SNX7: variants seen among roughly 807,000 people sequenced by gnomAD.
SNX7 encodes the protein sorting nexin 7.
In SNX7, 35 loss-of-function variants were observed where a neutral mutation model predicts 48.4. The observed-to-expected ratio is 0.72, with a 90% CI of 0.55 to 0.96. The LOEUF is 0.96. Among genes scored for constraint, SNX7 ranks in the 40% least tolerant of loss-of-function variants. The pLI is 0.00. For synonymous variants in SNX7, 190 were observed against 190.2 expected, an observed-to-expected ratio of 1.00 and a Z score of 0.01; for missense variants, 553 against 548.9, an observed-to-expected ratio of 1.01 and a Z score of -0.07.
At chr1:98,672,225 C>G (rs900809628) in intron 1 of SNX7, among the ~76,000 whole-genome samples, 12 of 152,000 alleles carry the variant, frequency 7.9e-5, no homozygotes, top group African/African-American at 2.4e-4. Flanking sequence ...ATTCTGCTCT[C>G]GGCTTTGACT....
Position 98,661,798 on chromosome 1 carries a change from G to A in SNX7, c.67G>A (p.Glu23Lys). 2 of 1,244,692 alleles carry A rather than the reference G, an allele frequency of 1.6e-6. No homozygotes were observed. Among genetic ancestry groups the A allele is most frequent in the East Asian group, 3.2e-5 (1 of 31,598 alleles). The allele number at this position is 1,244,692 out of a possible 1,614,324, so 77.1% of individuals were successfully genotyped here. ...CCTCCCGGCCGGGGGCGCCAACGGG[G>A]AGAGCCCGGGGGGCGGCGCCCCCTT... ...SGLPAGGANG[E>K]SPGGGAPFPG... Residue 23 changes from glutamate to lysine, a missense_variant, in exon 1 of 9, where the codon GAG becomes AAG. Coordinates refer to ENST00000306121, the MANE Select transcript of SNX7 (RefSeq NM_015976.5).
Position 98,672,930 on chromosome 1 carries a change from CAAAAAAAAAA to C in SNX7, c.180+11032_180+11041del, listed in dbSNP as rs57705068. ...TGGGCGACAGAGCGAGACTCCGTCT[CAAAAAAAAAA>C]AAAAAAAAAAAAGAAATTATTCAAG... On this transcript the variant is annotated intron_variant, in intron 1 of 8. Transcript: ENST00000306121. 6.8e-4 allele frequency among the ~76,000 whole-genome samples: 60 copies of C among 88,520 alleles called. 1 individual carries two copies. Among genetic ancestry groups the C allele is most frequent in the African/African-American group, 2.7e-3 (60 of 22,064 alleles). The allele number at this position is 88,520 out of a possible 152,430, so 58.1% of individuals were successfully genotyped here. A position where few individuals can be genotyped will look rare whatever the true frequency, so the allele number is the denominator to read the frequency against.
At chr1:98,688,589 A>C (rs1650935703) in intron 2 of SNX7, among the ~76,000 whole-genome samples, 1 of 152,208 alleles carries the variant, frequency 6.6e-6, no homozygotes. Flanking sequence ...AAGTTTTCTA[A>C]ATAATGAGTT....
chr1:98,691,937 A>ACACTCT (rs376006567), intron 4 of SNX7, among the ~76,000 whole-genome samples: 25,092 of 131,202 alleles, frequency 0.19, 2,452 homozygotes, highest in Non-Finnish European at 0.22. Context: ...ACACACACAC[A>ACACTCT]CTCTCTCTCT....
At chr1:98,721,066 T>A (rs1652844662) in intron 7 of SNX7, among the ~76,000 whole-genome samples, 1 of 149,138 alleles carries the variant, frequency 6.7e-6, no homozygotes, top group Non-Finnish European at 1.5e-5. Context: ...TGTTCATTTT[T>A]AATTTACAGA....
intron 1 of SNX7, among the ~76,000 whole-genome samples, chr1:98,681,813 T>C (rs1650504644): frequency 6.6e-6 from 1 of 152,202 alleles, no homozygotes; most frequent in Non-Finnish European, 1.5e-5. Flanking sequence ...GCGTCAGTGC[T>C]AATTTCCCGA....
chr1:98,723,783 C>G (rs1653016443), intron 7 of SNX7, among the ~76,000 whole-genome samples: 1 of 101,886 alleles, frequency 9.8e-6, no homozygotes, highest in Admixed American at 9.7e-5. Context: ...CTTGATTGAT[C>G]CCGGGAGGCA....
chr1:98,680,571 C>T (rs1650425522), intron 1 of SNX7, among the ~76,000 whole-genome samples: 1 of 152,164 alleles, frequency 6.6e-6, no homozygotes, highest in Admixed American at 6.5e-5. Flanking sequence ...AAACTAAACG[C>T]CTTAAACAGC....
intron 8 of SNX7, among the ~76,000 whole-genome samples, chr1:98,757,535 C>T (rs1184415550): frequency 6.6e-6 from 1 of 151,964 alleles, no homozygotes; most frequent in Admixed American, 6.6e-5. Flanking sequence ...CCTTATTTTA[C>T]CTTAATTACC....
At chr1:98,682,821 G>A (rs966078751) in intron 1 of SNX7, among the ~76,000 whole-genome samples, 2 of 152,120 alleles carry the variant, frequency 1.3e-5, no homozygotes, top group African/African-American at 4.8e-5. Flanking sequence ...TCAACTTTAT[G>A]TCAAGGATAT....
chr1:98,691,937 A>ACACCCTCTCTCTCTCT (rs376006567), intron 4 of SNX7, among the ~76,000 whole-genome samples: 1 of 131,066 alleles, frequency 7.6e-6, no homozygotes, highest in Non-Finnish European at 1.7e-5. Flanking sequence ...ACACACACAC[A>ACACCCTCTCTCTCTCT]CTCTCTCTCT....
chr1:98,690,207 T>C (rs1257621423), intron 2 of SNX7, among the ~76,000 whole-genome samples: 1 of 152,154 alleles, frequency 6.6e-6, no homozygotes, highest in African/African-American at 2.4e-5. Flanking sequence ...TAAATATTAC[T>C]GCATGTAATT....
intron 1 of SNX7, among the ~76,000 whole-genome samples, chr1:98,676,223 A>T (rs2100922199): frequency 6.6e-6 from 1 of 152,220 alleles, no homozygotes; most frequent in African/African-American, 2.4e-5. Context: ...ATACTGTGAA[A>T]CTTTTTCCAA....
At chr1:98,751,874 CTGT>C (rs1167502880) in intron 8 of SNX7, among the ~76,000 whole-genome samples, 1 of 152,078 alleles carries the variant, frequency 6.6e-6, no homozygotes, top group Admixed American at 6.6e-5. Context: ...AGTGGAACTC[CTGT>C]TGTTCTTGGT....
chr1:98,678,019 G>A (rs1330985248), intron 1 of SNX7, among the ~76,000 whole-genome samples: 1 of 150,006 alleles, frequency 6.7e-6, no homozygotes, highest in African/African-American at 2.5e-5. Flanking sequence ...GTGTGTGTGT[G>A]TGTGTTAGTC....
chr1:98,743,441 A>G (rs934401208), intron 8 of SNX7, among the ~76,000 whole-genome samples: 2 of 152,080 alleles, frequency 1.3e-5, no homozygotes, highest in Non-Finnish European at 2.9e-5. Flanking sequence ...TAACACAAAT[A>G]TATTTATATG....
chr1:98,740,460 A>G (rs966162950), intron 8 of SNX7, among the ~76,000 whole-genome samples: 1 of 152,186 alleles, frequency 6.6e-6, no homozygotes, highest in Non-Finnish European at 1.5e-5. Flanking sequence ...ATAAATGATT[A>G]CAAAACCTAA....
chr1:98,701,552 G>A (rs531742178), intron 6 of SNX7, among the ~76,000 whole-genome samples: 3 of 151,010 alleles, frequency 2.0e-5, no homozygotes, highest in South Asian at 2.1e-4. Flanking sequence ...TAGTACATAT[G>A]TACAATGCTT....
chr1:98,662,714 C>T (rs959416201), intron 1 of SNX7: 20 of 1,289,192 alleles, frequency 1.6e-5, no homozygotes, highest in African/African-American at 3.0e-5. Context: ...GAATGTCACT[C>T]CAGTTTCTCA....
Sources: gnomAD v4.1 joint callset for allele counts (sites outside exome capture counted in the v4.1 genomes callset) on GRCh38, gnomAD v4.1.1 for gene constraint, MANE v1.5 for transcripts, NCBI Gene and HGNC (gene_info 2026-07-23, HGNC 2026-07-21) for gene names.